The following MTUS1 variants were observed in gnomAD, a reference collection of about 807,000 sequenced individuals.
MTUS1 encodes microtubule-associated tumor suppressor 1.
A neutral mutation model predicts 120.8 loss-of-function variants in MTUS1; 109 were observed. The observed-to-expected ratio is 0.90, with a 90% CI of 0.77 to 1.06. The LOEUF (loss-of-function observed/expected upper bound fraction) is 1.06. Among genes scored for constraint, MTUS1 ranks in the 50% least tolerant of loss-of-function variants. MTUS1 has a pLI of 0.00. For synonymous variants in MTUS1, 737 were observed against 550.5 expected (o/e 1.34, Z -4.74); for missense variants, 2,210 against 1,486.3 (o/e 1.49, Z -8.01).
chr8:17,696,061 T>C (rs1305588438), intron 6 of MTUS1, among the ~76,000 whole-genome samples: 1 of 152,190 alleles, frequency 6.6e-6, no homozygotes, highest in Non-Finnish European at 1.5e-5. Flanking sequence ...ATTGCAAATA[T>C]AGGGCACCCT....
chr8:17,797,901 C>A (rs1203400247), intron 1 of MTUS1, among the ~76,000 whole-genome samples: 1 of 152,150 alleles, frequency 6.6e-6, no homozygotes, highest in Non-Finnish European at 1.5e-5. Context: ...AAGAACCCAA[C>A]TTTGAGATAT....
chr8:17,722,373 T>C (rs2045911297), intron 4 of MTUS1: 9 of 978,420 alleles, frequency 9.2e-6, no homozygotes, highest in Non-Finnish European at 1.1e-5. Flanking sequence ...GTCTTTAAAA[T>C]TGCTTTGCAA....
At chr8:17,801,265 C>G (rs1160824503), upstream of MTUS1, 1 of 151,946 alleles carries the variant, frequency 6.6e-6, no homozygotes, top group African/African-American at 2.4e-5. Context: ...CGCCTCCCCG[C>G]CTCCGGGGCC....
intron 6 of MTUS1, among the ~76,000 whole-genome samples, chr8:17,699,448 CA>C (rs1818601896): frequency 6.6e-6 from 1 of 152,094 alleles, no homozygotes; most frequent in African/African-American, 2.4e-5. Flanking sequence ...CTCCTGACCT[CA>C]GGTGATCCAC....
At chr8:17,679,834 A>G (rs1453926627) in intron 7 of MTUS1, among the ~76,000 whole-genome samples, 2 of 152,174 alleles carry the variant, frequency 1.3e-5, no homozygotes, top group Non-Finnish European at 2.9e-5. Flanking sequence ...CTCAGTATAC[A>G]TTACACAATC....
intron 7 of MTUS1, among the ~76,000 whole-genome samples, chr8:17,677,197 G>A (rs1168878998): frequency 2.0e-5 from 3 of 152,256 alleles, no homozygotes; most frequent in East Asian, 1.9e-4. Context: ...AAATCAGCCC[G>A]CATAATAATG....
At chr8:17,788,803 T>A (rs2051522516) in intron 1 of MTUS1, among the ~76,000 whole-genome samples, 1 of 152,128 alleles carries the variant, frequency 6.6e-6, no homozygotes, top group South Asian at 2.1e-4. Flanking sequence ...CAAAATTCCA[T>A]CAGAAAGTAA....
At chr8:17,694,321 T>C (rs1817534444) in intron 6 of MTUS1, among the ~76,000 whole-genome samples, 1 of 152,176 alleles carries the variant, frequency 6.6e-6, no homozygotes, top group African/African-American at 2.4e-5. Context: ...GATGGAGTCT[T>C]AGAGTTTTCA....
rs574776104 is a variant in MTUS1, at chr8:17,774,026, C to T, written c.-154-18065G>A. On this transcript the variant is annotated intron_variant, in intron 1 of 14. Transcript: ENST00000693296. ...TCTACATTCTCTCCTTTAGCTCCCTCACCTCATTATATGACCTTAACAATC... is the reference window on the plus strand; with the variant it reads ...TCTACATTCTCTCCTTTAGCTCCCTTACCTCATTATATGACCTTAACAATC... Among the ~76,000 whole-genome samples, 4 of 152,304 alleles carry T rather than the reference C, an allele frequency of 2.6e-5. No individual in the cohort carries two copies. In the East Asian group the frequency reaches 7.7e-4, roughly 29 times the overall value.
chr8:17,755,196 G>C lies in MTUS1; in HGVS notation c.612C>G (p.Ser204=), dbSNP rs141833395. The C allele has an allele frequency of 1.1e-4, 172 of 1,614,178 alleles. 1 individual carries two copies. In the African/African-American group the frequency reaches 2.0e-3, roughly 19 times the overall value. ...AATGGGAAGATGTCCAAGTGGAATA[G>C]GATAAAGAAGATGTACTTCCACTTC... The part of the protein sequence containing the change: ...GRRSGSTSSL[S]YSTWTSSHSD... The change falls in exon 2 of 15, where the codon TCC becomes TCG. Residue 204 remains serine (S), a synonymous_variant. Coordinates refer to ENST00000693296, the MANE Select transcript of MTUS1 (RefSeq NM_001363059.2).
chr8:17,786,117 G>A lies in MTUS1; in HGVS notation c.-155+14944C>T, dbSNP rs988578711. 3.9e-4 allele frequency among the ~76,000 whole-genome samples: 60 copies of A among 152,276 alleles called. 1 individual carries two copies. Among genetic ancestry groups the A allele is most frequent in the Admixed American group, 2.0e-3 (31 of 15,294 alleles). ...ACTGTGCCAAAGCACTCCAGCCTGGGTGACAGAGCGAGACCCCATCTCTGG... is the reference window on the plus strand; with the variant it reads ...ACTGTGCCAAAGCACTCCAGCCTGGATGACAGAGCGAGACCCCATCTCTGG... On this transcript the variant is annotated intron_variant, in intron 1 of 14. Coordinates refer to ENST00000693296, the MANE Select transcript of MTUS1 (RefSeq NM_001363059.2).
intron 2 of MTUS1, among the ~76,000 whole-genome samples, chr8:17,745,299 A>G (rs1316016359): frequency 6.6e-6 from 1 of 152,214 alleles, no homozygotes; most frequent in Non-Finnish European, 1.5e-5. Context: ...GAAATGGTGT[A>G]GGGTTTGCAT....
At chr8:17,658,347 G>T (rs1183253657) in intron 8 of MTUS1, among the ~76,000 whole-genome samples, 2 of 152,052 alleles carry the variant, frequency 1.3e-5, no homozygotes, top group Non-Finnish European at 2.9e-5. Context: ...TTGAAAATCA[G>T]AACATCTTAG....
intron 11 of MTUS1, 61 bp downstream of exon 11, chr8:17,653,364 A>G: frequency 1.3e-6 from 2 of 1,536,184 alleles, no homozygotes; most frequent in South Asian, 2.4e-5. Context: ...ATTAAAACCA[A>G]ACAAAATCAA....
Position 17,754,424 on chromosome 8 carries a change from T to G in MTUS1, c.1384A>C (p.Lys462Gln). The G allele has an allele frequency of 1.2e-6, 2 of 1,614,204 alleles. No homozygotes were observed. The highest frequency in any genetic ancestry group is 1.7e-6 in the Non-Finnish European group (2 of 1,180,032). ...GCCTCCTTCGAGTCTGGTATGTTTT[T>G]AAGCCCTCGATTACCCTTCTCCACT... ...KKVEKGNRGL[K>Q]NIPDSKEAPV... Residue 462 changes from lysine (K) to glutamine (Q), a missense_variant, in exon 2 of 15, where the codon AAA (lysine) becomes CAA (glutamine). Physicochemically the swap from Lys to Gln is moderately conservative, Grantham distance 53. Coordinates refer to ENST00000693296, the MANE Select transcript of MTUS1 (RefSeq NM_001363059.2).
At chr8:17,720,067 G>A (rs1369653739) in intron 4 of MTUS1, among the ~76,000 whole-genome samples, 1 of 152,084 alleles carries the variant, frequency 6.6e-6, no homozygotes, top group Non-Finnish European at 1.5e-5. Context: ...CGGTGGGACC[G>A]GGCGTGGTGG....
intron 3 of MTUS1, among the ~76,000 whole-genome samples, chr8:17,727,095 T>C (rs1458815601): frequency 6.6e-6 from 1 of 152,120 alleles, no homozygotes; most frequent in Non-Finnish European, 1.5e-5. Context: ...GTCACCCCCA[T>C]CCAGGCCCAT....
intron 2 of MTUS1, among the ~76,000 whole-genome samples, chr8:17,750,558 G>C (rs2048109467): frequency 6.6e-6 from 1 of 152,234 alleles, no homozygotes; most frequent in Non-Finnish European, 1.5e-5. Context: ...AGGGCTCTGA[G>C]TGTGAATCCC....
chr8:17,654,525 T>A lies in MTUS1; in HGVS notation c.3214+36A>T, dbSNP rs750704516. The stretch of plus-strand genomic sequence containing the variant: ...AAAACATCATGTGGTTCCTTCAGAT[T>A]TTATTCTGTTTAAAGAGGAAAAAAA... On this transcript the variant is annotated intron_variant, in intron 10 of 14. Transcript: ENST00000693296. The A allele has an allele frequency of 6.1e-6, 8 of 1,321,002 alleles. No homozygotes were observed. The Admixed American group carries it at 1.4e-4, about 23-fold the overall frequency. The allele number at this position is 1,321,002 out of a possible 1,614,324, so 81.8% of individuals were successfully genotyped here.
Sources: gnomAD v4.1 joint callset for allele counts (sites outside exome capture counted in the v4.1 genomes callset) on GRCh38, gnomAD v4.1.1 for gene constraint, MANE v1.5 for transcripts, NCBI Gene and HGNC (gene_info 2026-07-23, HGNC 2026-07-21) for gene names.